The following MAD1L1 variants were observed in gnomAD, a reference collection of about 807,000 sequenced individuals.
MAD1L1 encodes mitotic arrest deficient 1 like 1.
In MAD1L1, 95 loss-of-function variants were observed where a neutral mutation model predicts 96.9. The observed-to-expected ratio is 0.98, with a 90% CI of 0.83 to 1.16. MAD1L1 has a LOEUF of 1.16. Among genes scored for constraint, MAD1L1 ranks in the 50% most tolerant of loss-of-function variants. The probability of loss-of-function intolerance (pLI) is 0.00; values close to 1 mark genes in which losing one functional copy is unlikely to be tolerated. For synonymous variants in MAD1L1, 473 were observed against 396.6 expected (o/e 1.19, Z -2.29); for missense variants, 1,007 against 954.4 (o/e 1.06, Z -0.73).
intron 11 of MAD1L1, among the ~76,000 whole-genome samples, chr7:2,124,483 A>T (rs753771026): frequency 5.3e-5 from 8 of 152,194 alleles, no homozygotes; most frequent in Non-Finnish European, 7.4e-5. Context: ...GTGAGGAAAC[A>T]GCTGCACCCA....
chr7:2,127,267 G>A (rs989885763), intron 11 of MAD1L1, among the ~76,000 whole-genome samples: 1 of 152,160 alleles, frequency 6.6e-6, no homozygotes, highest in African/African-American at 2.4e-5. Context: ...GGAGATGGAC[G>A]AAAATCTGAA....
intron 12 of MAD1L1, among the ~76,000 whole-genome samples, chr7:2,066,391 G>A (rs1584239232): frequency 6.6e-6 from 1 of 152,366 alleles, no homozygotes; most frequent in East Asian, 1.9e-4. Context: ...ACGGCTGGCT[G>A]GACGGATCCT....
At chr7:1,839,873 A>G (rs1783149484) in intron 18 of MAD1L1, among the ~76,000 whole-genome samples, 1 of 151,836 alleles carries the variant, frequency 6.6e-6, no homozygotes, top group Non-Finnish European at 1.5e-5. Context: ...ACCCACGGCC[A>G]GGGCCCAGGC....
intron 11 of MAD1L1, among the ~76,000 whole-genome samples, chr7:2,106,622 C>T (rs905502119): frequency 2.0e-5 from 3 of 152,250 alleles, no homozygotes; most frequent in African/African-American, 7.2e-5. Flanking sequence ...CTCCAGCCCA[C>T]CAGACCCAGG....
At chr7:2,022,178 T>C (rs954298821) in intron 12 of MAD1L1, among the ~76,000 whole-genome samples, 4 of 152,096 alleles carry the variant, frequency 2.6e-5, no homozygotes, top group Admixed American at 1.3e-4. Flanking sequence ...GGAGCAGCAA[T>C]GTGTGGGGTG....
chr7:2,134,163 G>C (rs1405158877), intron 11 of MAD1L1, among the ~76,000 whole-genome samples: 1 of 152,198 alleles, frequency 6.6e-6, no homozygotes, highest in Non-Finnish European at 1.5e-5. Flanking sequence ...CCGCTGCATT[G>C]ATTTACGGCT....
At chr7:2,162,151 G>C (rs1790180422) in intron 10 of MAD1L1, among the ~76,000 whole-genome samples, 1 of 152,304 alleles carries the variant, frequency 6.6e-6, no homozygotes, top group East Asian at 1.9e-4. Context: ...ATAGAAAAGG[G>C]GGAAATGTGG....
intron 18 of MAD1L1, among the ~76,000 whole-genome samples, chr7:1,851,834 C>T (rs1301799008): frequency 6.6e-6 from 1 of 152,176 alleles, no homozygotes; most frequent in Admixed American, 6.5e-5. Context: ...GCCAGGCCTC[C>T]TAGGTGCTGC....
chr7:2,218,749 C>T (rs532805381), intron 6 of MAD1L1, among the ~76,000 whole-genome samples: 4 of 151,936 alleles, frequency 2.6e-5, no homozygotes, highest in African/African-American at 9.7e-5. Context: ...CTCTACAAAA[C>T]GTTTTTTAAA....
chr7:2,169,851 T>A (rs572707519), intron 10 of MAD1L1, among the ~76,000 whole-genome samples: 3 of 99,252 alleles, frequency 3.0e-5, no homozygotes, highest in African/African-American at 1.6e-4. Flanking sequence ...CTGGGGGCAC[T>A]CGGAGCAGGG....
At chr7:2,130,659 C>T (rs1034383796) in intron 11 of MAD1L1, among the ~76,000 whole-genome samples, 7 of 152,340 alleles carry the variant, frequency 4.6e-5, no homozygotes, top group African/African-American at 1.7e-4. Context: ...CCCCGGAGGC[C>T]GAAGCTGGGA....
intron 18 of MAD1L1, among the ~76,000 whole-genome samples, chr7:1,883,242 C>T (rs1785800030): frequency 6.6e-6 from 1 of 152,198 alleles, no homozygotes; most frequent in Non-Finnish European, 1.5e-5. Context: ...GCCCCAGGAA[C>T]CCAAACTACC....
At chr7:1,873,469 C>T (rs1785215115) in intron 18 of MAD1L1, among the ~76,000 whole-genome samples, 1 of 151,912 alleles carries the variant, frequency 6.6e-6, no homozygotes, top group Non-Finnish European at 1.5e-5. Flanking sequence ...AGGTGGGGAG[C>T]CCTGGTGGAG....
At chr7:2,155,264 C>A (rs1789772330) in intron 10 of MAD1L1, among the ~76,000 whole-genome samples, 1 of 152,216 alleles carries the variant, frequency 6.6e-6, no homozygotes, top group African/African-American at 2.4e-5. Context: ...CCACACCTGG[C>A]CACGGTGGCA....
At chr7:2,102,293 TGTCACCATCAC>T (rs1562688750) in intron 11 of MAD1L1, among the ~76,000 whole-genome samples, 44,352 of 142,088 alleles carry the variant, frequency 0.31, 8,252 homozygotes, top group East Asian at 0.52. Flanking sequence ...CCACCGCCAC[TGTCACCATCAC>T]CACCGTCACC....
intron 11 of MAD1L1, among the ~76,000 whole-genome samples, chr7:2,097,392 C>T (rs1326464172): frequency 3.9e-5 from 6 of 152,154 alleles, no homozygotes; most frequent in Admixed American, 3.3e-4. Context: ...GCAGCGAGGA[C>T]GTGGGGGCCA....
In MAD1L1 at chr7:2,222,698, C is replaced by A. The variant is rs1381325350; in HGVS notation, c.348G>T (p.Arg116=). The stretch of plus-strand genomic sequence containing the variant: ...GCATCTTCTCCTCCGCCCCGGCCTC[C>A]CGCTCCTGAAGCTGCCGGATGCGCG... The part of the protein sequence containing the change: ...LLTRIRQLQE[R]EAGAEEKMQE... Residue 116 remains arginine, a synonymous_variant, in exon 5 of 19, where the codon CGG becomes CGT. Transcript: ENST00000265854. The A allele has an allele frequency of 4.3e-6, 7 of 1,611,490 alleles. No individual in the cohort carries two copies. The South Asian group carries it at 7.7e-5, about 18-fold the overall frequency.
intron 3 of MAD1L1, among the ~76,000 whole-genome samples, chr7:2,226,311 C>A (rs555388633): frequency 5.3e-5 from 8 of 152,274 alleles, no homozygotes; most frequent in Non-Finnish European, 2.9e-5. Flanking sequence ...TGAGTGTGCA[C>A]AAGGAGCCTG....
intron 10 of MAD1L1, among the ~76,000 whole-genome samples, chr7:2,206,084 A>C (rs1417358425): frequency 6.6e-6 from 1 of 152,200 alleles, no homozygotes; most frequent in East Asian, 1.9e-4. Flanking sequence ...GTGAGCCAAG[A>C]TCATGCCACT....
Sources: gnomAD v4.1 joint callset for allele counts (sites outside exome capture counted in the v4.1 genomes callset) on GRCh38, gnomAD v4.1.1 for gene constraint, MANE v1.5 for transcripts, NCBI Gene and HGNC (gene_info 2026-07-23, HGNC 2026-07-21) for gene names.